Variants in ABCA13 observed in about 807,000 individuals in gnomAD.
ABCA13 encodes ATP binding cassette subfamily A member 13.
Under a neutral mutation model 478.7 loss-of-function variants are expected in ABCA13, and 476 were observed. That is an observed-to-expected ratio of 0.99 (90% CI 0.92 to 1.07). The LOEUF is 1.07. ABCA13 is among the 50% of genes least tolerant of loss of function. The pLI is 0.00. For missense variants in ABCA13, 6,060 were observed against 5,910.6 expected, an observed-to-expected ratio of 1.03 and a Z score of -0.83; for synonymous variants, 2,252 against 2,158.9, an observed-to-expected ratio of 1.04 and a Z score of -1.20.
intron 1 of ABCA13, among the ~76,000 whole-genome samples, chr7:48,189,712 G>T (rs1156560855): frequency 6.6e-6 from 1 of 152,088 alleles, no homozygotes; most frequent in Non-Finnish European, 1.5e-5. Context: ...TTTGGCTTTG[G>T]CAGGGTCCTT....
Position 48,314,268 on chromosome 7 carries a change from G to A in ABCA13, c.9718G>A (p.Gly3240Ser), listed in dbSNP as rs772352149. 31 of 1,613,172 alleles carry A rather than the reference G, an allele frequency of 1.9e-5. No homozygotes were observed. The African/African-American group carries it at 2.8e-4, about 15-fold the overall frequency. The change falls in exon 26 of 62, where the codon GGT becomes AGT. Residue 3240 changes from glycine to serine, a missense_variant. Transcript: ENST00000435803. ...TGTCCAGGCCAGAAGTTCAGCTTTT[G>A]GTTCTTTCCAGTTTGTGATGAAGAT... Reference protein sequence around the residue: ...QNVQARSSAFGSFQFVMKMVC... With the variant: ...QNVQARSSAFSSFQFVMKMVC...
At chr7:48,499,381 C>G (rs1035703032) in intron 48 of ABCA13, among the ~76,000 whole-genome samples, 9 of 152,298 alleles carry the variant, frequency 5.9e-5, no homozygotes, top group African/African-American at 2.2e-4. Context: ...TAGATGCTTA[C>G]AGACATCTGG....
chr7:48,294,425 GTTT>G (rs370890353), intron 20 of ABCA13, among the ~76,000 whole-genome samples: 3 of 80,360 alleles, frequency 3.7e-5, no homozygotes, highest in African/African-American at 1.1e-4. Context: ...GTTTCTATGG[GTTT>G]TTTTTTTTTT....
At chr7:48,228,138 T>A (rs1314901235) in intron 6 of ABCA13, among the ~76,000 whole-genome samples, 1 of 152,242 alleles carries the variant, frequency 6.6e-6, no homozygotes, top group Non-Finnish European at 1.5e-5. Context: ...CTCTGTTTTT[T>A]AACTGTTACT....
At chr7:48,446,258 A>G (rs911469485) in intron 42 of ABCA13, among the ~76,000 whole-genome samples, 1 of 152,120 alleles carries the variant, frequency 6.6e-6, no homozygotes, top group Non-Finnish European at 1.5e-5. Context: ...TGTGGCCACT[A>G]CTATGAGAAA....
intron 53 of ABCA13, among the ~76,000 whole-genome samples, chr7:48,523,383 T>G (rs1832685233): frequency 6.6e-6 from 1 of 152,054 alleles, no homozygotes; most frequent in Admixed American, 6.6e-5. Flanking sequence ...CTTTTTTATT[T>G]TGAAATAGTT....
chr7:48,288,145 G>A (rs1798021664), intron 20 of ABCA13, 67 bp downstream of exon 20: 3 of 1,407,544 alleles, frequency 2.1e-6, no homozygotes, highest in African/African-American at 1.4e-5. Context: ...AGGCAGTCCA[G>A]TTATTCAAAC....
At chr7:48,591,423 C>T (rs1401289549) in intron 57 of ABCA13, among the ~76,000 whole-genome samples, 4 of 151,816 alleles carry the variant, frequency 2.6e-5, no homozygotes, top group African/African-American at 7.2e-5. Context: ...CCTCCAGCAC[C>T]ATTCTTCTTG....
chr7:48,443,865 C>A (rs533547567), intron 42 of ABCA13, among the ~76,000 whole-genome samples: 1 of 152,162 alleles, frequency 6.6e-6, no homozygotes, highest in Admixed American at 6.5e-5. Flanking sequence ...CCTGCATCCT[C>A]TTTCCTTCCT....
chr7:48,241,201 A>G (rs1249553026), intron 10 of ABCA13, 135 bp downstream of exon 10: 1 of 1,121,884 alleles, frequency 8.9e-7, no homozygotes, highest in Admixed American at 2.2e-5. Context: ...CAAATGGGAA[A>G]TCAGAGGCTT....
rs2129028115 is a variant in ABCA13 at position 48,372,504 on chromosome 7, A to G, written c.11133+7A>G. On this transcript the variant is annotated splice_region_variant and intron_variant, in intron 33 of 61. Transcript: ENST00000435803. Reference sequence around the variant, plus strand: ...TGTTAATCAGACATTTCTGGTAAGTAAGTTGTTTTGTAAAAAAAAAAAAAA... The same window carrying G: ...TGTTAATCAGACATTTCTGGTAAGTGAGTTGTTTTGTAAAAAAAAAAAAAA... 2.0e-6 allele frequency: 3 copies of G among 1,482,332 alleles called. No individual in the cohort carries two copies. The highest frequency in any genetic ancestry group is 1.8e-4 in the Middle Eastern group (1 of 5,606). The allele number at this position is 1,482,332 out of a possible 1,614,324, so 91.8% of individuals were successfully genotyped here.
chr7:48,455,231 C>G lies in ABCA13; in HGVS notation c.12760C>G (p.Pro4254Ala). 6.2e-7 allele frequency: 1 copy of G among 1,604,254 alleles called. No individual in the cohort carries two copies. Among genetic ancestry groups the G allele is most frequent in the East Asian group, 2.2e-5 (1 of 44,476 alleles). Reference protein sequence around the residue: ...FMVRPLATEYPPLRLTPGHYQ... With the variant: ...FMVRPLATEYAPLRLTPGHYQ... ...GGTGAGACCCCTGGCCACCGAGTACCCTCCCCTCAGACTCACACCTGGACA... is the reference window on the plus strand; with the variant it reads ...GGTGAGACCCCTGGCCACCGAGTACGCTCCCCTCAGACTCACACCTGGACA... The change falls in exon 43 of 62, where the codon CCT (proline) becomes GCT (alanine). Residue 4254 changes from proline to alanine, a missense_variant. This residue lies in a region of ABCA13 where 1,627 missense variants were observed against 1,571.0 expected (regional missense o/e 1.04). Transcript: ENST00000435803.
chr7:48,236,886 G>A (rs1790036369), intron 8 of ABCA13, among the ~76,000 whole-genome samples: 1 of 151,920 alleles, frequency 6.6e-6, no homozygotes, highest in Non-Finnish European at 1.5e-5. Context: ...CCACTGCACA[G>A]ACAAAACCAA....
intron 39 of ABCA13, among the ~76,000 whole-genome samples, chr7:48,409,159 A>G (rs1362459174): frequency 6.6e-6 from 1 of 152,234 alleles, no homozygotes; most frequent in African/African-American, 2.4e-5. Context: ...CCTTTGGAAC[A>G]AGAATCAGTC....
At chr7:48,574,759 G>T (rs1788006986) in intron 55 of ABCA13, among the ~76,000 whole-genome samples, 1 of 152,068 alleles carries the variant, frequency 6.6e-6, no homozygotes, top group Non-Finnish European at 1.5e-5. Flanking sequence ...TTATATGTGT[G>T]ACTAATATTT....
intron 7 of ABCA13, among the ~76,000 whole-genome samples, chr7:48,232,166 G>A (rs1249661550): frequency 4.9e-4 from 7 of 14,284 alleles, no homozygotes; most frequent in Admixed American, 3.9e-3. Context: ...TTTTTTTTTA[G>A]CTTTCTGTAA....
At position 48,414,708 on chromosome 7, in the gene ABCA13, T is replaced by A. The variant is rs1359230718; in HGVS notation, c.12459+2125T>A. ...GTCTGGAACTCCTGGGCTCAAGTGATCCTCCCACCTTAGCCTCCCAAGTAG... is the reference window on the plus strand; with the variant it reads ...GTCTGGAACTCCTGGGCTCAAGTGAACCTCCCACCTTAGCCTCCCAAGTAG... On this transcript the variant is annotated intron_variant, in intron 41 of 61. Transcript: ENST00000435803. Among the ~76,000 whole-genome samples, 3 of 151,932 alleles carry A rather than the reference T, an allele frequency of 2.0e-5. No homozygotes were observed. In the East Asian group the frequency reaches 5.8e-4, roughly 29 times the overall value.
intron 55 of ABCA13, 93 bp downstream of exon 55, chr7:48,528,438 T>G: frequency 1.1e-6 from 1 of 879,718 alleles, no homozygotes; most frequent in Non-Finnish European, 1.6e-6. Context: ...GAATAAAATT[T>G]GAAAACATCA....
chr7:48,542,243 A>T (rs1833991103), intron 55 of ABCA13, among the ~76,000 whole-genome samples: 1 of 151,788 alleles, frequency 6.6e-6, no homozygotes, highest in Non-Finnish European at 1.5e-5. Context: ...TATTTGGAGA[A>T]TGAGTTTCAC....
Sources: gnomAD v4.1 joint callset for allele counts (sites outside exome capture counted in the v4.1 genomes callset) on GRCh38, gnomAD v4.1.1 for gene constraint, gnomAD v4.1.1 regional missense constraint, MANE v1.5 for transcripts, NCBI Gene and HGNC (gene_info 2026-07-23, HGNC 2026-07-21) for gene names.